Variants in GTPBP1 observed in about 807,000 individuals in gnomAD.
GTPBP1 encodes GTP binding protein 1.
Under a neutral mutation model 62.0 loss-of-function variants are expected in GTPBP1, and 23 were observed. The observed-to-expected ratio is 0.37, with a 90% CI of 0.27 to 0.53. The LOEUF is 0.53. Ranked by LOEUF, GTPBP1 falls within the 20% of genes least tolerant of loss-of-function variation. The probability of loss-of-function intolerance (pLI) is 0.89; values close to 1 mark genes in which losing one functional copy is unlikely to be tolerated. For missense variants in GTPBP1, 640 were observed against 917.3 expected, an observed-to-expected ratio of 0.70 and a Z score of 3.90; for synonymous variants, 344 against 364.4, an observed-to-expected ratio of 0.94 and a Z score of 0.64.
At chr22:38,728,601 TTGCCCC>T (rs2092739351) in intron 10 of GTPBP1, 1 of 178,104 alleles carries the variant, frequency 5.6e-6, no homozygotes, top group Non-Finnish European at 1.2e-5. Context: ...ACTGCAGACC[TTGCCCC>T]TGGTCTTGGA....
downstream of GTPBP1, chr22:38,737,967 T>C (rs1323736057): frequency 1.4e-6 from 1 of 704,924 alleles, no homozygotes; most frequent in Non-Finnish European, 2.6e-6. The surrounding 1 kb of genome is among the most constrained non-coding windows in gnomAD (Gnocchi z 4.1). Context: ...TCCCTCATGC[T>C]GCCCTTCTGG....
chr22:38,712,889 C>CG (rs1438528522), intron 2 of GTPBP1, among the ~76,000 whole-genome samples: 6 of 152,194 alleles, frequency 3.9e-5, no homozygotes, highest in Non-Finnish European at 8.8e-5. Flanking sequence ...TCAGCCCAAC[C>CG]GCTCCCTCTT....
At chr22:38,710,940 C>T (rs1490116456) in intron 2 of GTPBP1, among the ~76,000 whole-genome samples, 2 of 152,170 alleles carry the variant, frequency 1.3e-5, no homozygotes, top group East Asian at 3.8e-4. Flanking sequence ...CGTAAGATGT[C>T]AGACATTTAT....
chr22:38,719,560 T>C (rs1387854057), intron 4 of GTPBP1, among the ~76,000 whole-genome samples: 1 of 150,808 alleles, frequency 6.6e-6, no homozygotes, highest in Non-Finnish European at 1.5e-5. Context: ...CCCACCTTGG[T>C]GCCTCCCAAG....
downstream of GTPBP1, chr22:38,739,697 G>C (rs563685045): frequency 6.2e-7 from 1 of 1,608,484 alleles, no homozygotes; most frequent in African/African-American, 1.3e-5. The surrounding 1 kb of genome is among the most constrained non-coding windows in gnomAD (Gnocchi z 6.7). Flanking sequence ...GGGTGGGTGT[G>C]TGGAGAGGGG....
At chr22:38,739,709 A>G, downstream of GTPBP1, 1 of 1,612,006 alleles carries the variant, frequency 6.2e-7, no homozygotes. The surrounding 1 kb of genome is among the most constrained non-coding windows in gnomAD (Gnocchi z 6.7). Context: ...GGAGAGGGGC[A>G]TGTGGGCCTC....
downstream of GTPBP1, chr22:38,735,299 C>T (rs1244459761): frequency 4.4e-6 from 2 of 451,498 alleles, no homozygotes; most frequent in Admixed American, 4.8e-5. Context: ...ACGACCCCTA[C>T]ATCAGGGCCT....
At chr22:38,738,312 AC>A (rs1480335860), downstream of GTPBP1, 4 of 1,509,418 alleles carry the variant, frequency 2.7e-6, no homozygotes, top group Admixed American at 6.8e-5. This position sits in a 1 kb window ranked among gnomAD's most constrained non-coding sequence, Gnocchi z 6.6. Flanking sequence ...AGCAGGGAGA[AC>A]ACCCCTCCCC....
chr22:38,738,939 C>T (rs766829876), downstream of GTPBP1: 32 of 1,613,492 alleles, frequency 2.0e-5, no homozygotes, highest in Non-Finnish European at 2.6e-5. This position sits in a 1 kb window ranked among gnomAD's most constrained non-coding sequence, Gnocchi z 6.6. Context: ...TGAGGAGGGC[C>T]GTCTTGGTCT....
At chr22:38,725,772 G>T (rs1407467022) in intron 6 of GTPBP1, 2 of 539,824 alleles carry the variant, frequency 3.7e-6, no homozygotes, top group Non-Finnish European at 6.6e-6. Flanking sequence ...GGAGAGGACA[G>T]GTGTCAGAGA....
chr22:38,740,218 T>A, downstream of GTPBP1: 1 of 1,489,792 alleles, frequency 6.7e-7, no homozygotes, highest in Non-Finnish European at 9.0e-7. The surrounding 1 kb of genome is among the most constrained non-coding windows in gnomAD (Gnocchi z 4.8). Flanking sequence ...ACACGTCGTC[T>A]CAAAGGAGGA....
intron 4 of GTPBP1, among the ~76,000 whole-genome samples, chr22:38,720,976 G>T (rs1754423228): frequency 1.3e-5 from 2 of 152,184 alleles, no homozygotes; most frequent in Non-Finnish European, 2.9e-5. Context: ...CTCGATCATG[G>T]CTCACTGCAG....
chr22:38,722,098 T>C (rs976805570), intron 5 of GTPBP1, among the ~76,000 whole-genome samples: 15 of 152,260 alleles, frequency 9.9e-5, no homozygotes, highest in African/African-American at 2.7e-4. Context: ...AACTATCCTT[T>C]ATAATCCGTT....
At chr22:38,734,012 C>T, downstream of GTPBP1, 1 of 235,604 alleles carries the variant, frequency 4.2e-6, no homozygotes, top group South Asian at 3.9e-5. Context: ...GGAGTGAGCA[C>T]AGGACCAGCT....
rs576200391 is a variant in GTPBP1 at position 38,721,039 on chromosome 22, G to A, written c.835-703G>A. Among the ~76,000 whole-genome samples, 118 of 152,298 alleles carry A rather than the reference G, an allele frequency of 7.7e-4. No individual in the cohort carries two copies. The Middle Eastern group carries it at 0.014, about 18-fold the overall frequency. ...TCCCACCTCAGCCTCCCAAGTAGCT[G>A]AGACTACAGCGTATCCTGCCACACC... is the stretch of plus-strand genomic sequence containing the variant. On this transcript the variant is annotated intron_variant, in intron 4 of 11. Coordinates refer to ENST00000216044, the MANE Select transcript of GTPBP1 (RefSeq NM_004286.5).
intron 10 of GTPBP1, 88 bp downstream of exon 10, chr22:38,728,249 T>TAAAC: frequency 1.1e-6 from 1 of 924,288 alleles, no homozygotes; most frequent in Non-Finnish European, 1.7e-6. Flanking sequence ...AGAGGTTTAG[T>TAAAC]CACTGCCATG....
At chr22:38,715,034 T>C (rs530378721) in intron 2 of GTPBP1, among the ~76,000 whole-genome samples, 1 of 152,150 alleles carries the variant, frequency 6.6e-6, no homozygotes. Flanking sequence ...AAAAATCTTA[T>C]CTCTAAAATG....
chr22:38,729,747 G>A (rs1319837134), intron 11 of GTPBP1, 85 bp downstream of exon 11: 2 of 1,055,200 alleles, frequency 1.9e-6, no homozygotes, highest in Non-Finnish European at 2.6e-6. Flanking sequence ...ATGTAGGCAA[G>A]CCTCAAACCT....
chr22:38,705,982 G>A lies in GTPBP1; in HGVS notation c.27G>A (p.Ala9=), dbSNP rs775478048. 2.8e-6 allele frequency: 4 copies of A among 1,451,452 alleles called. No individual in the cohort carries two copies. Among genetic ancestry groups the A allele is most frequent in the Non-Finnish European group, 1.8e-6 (2 of 1,100,244 alleles). The allele number at this position is 1,451,452 out of a possible 1,614,324, so 89.9% of individuals were successfully genotyped here. The part of the protein sequence containing the change: MATERSRS[A]MDSPVPASMF... ...TGGCGACGGAGCGCAGTCGCTCCGC[G>A]ATGGACTCGCCGGTCCCGGCCTCTA... The change falls in exon 1 of 12, where the codon GCG becomes GCA. Residue 9 remains alanine, a synonymous_variant. Coordinates refer to ENST00000216044, the MANE Select transcript of GTPBP1 (RefSeq NM_004286.5).
Sources: allele counts gnomAD v4.1 joint callset (sites outside exome capture counted in the v4.1 genomes callset), GRCh38; gene constraint gnomAD v4.1.1; non-coding constraint Gnocchi (gnomAD v3.1); transcripts MANE v1.5; gene names NCBI Gene and HGNC (gene_info 2026-07-23, HGNC 2026-07-21).